The following AFAP1L1 variants were observed in gnomAD, a reference collection of about 807,000 sequenced individuals.
AFAP1L1 encodes the protein actin filament-associated protein 1-like 1.
AFAP1L1 carries 77 observed loss-of-function variants against 99.8 expected under a neutral mutation model. The ratio of observed to expected loss-of-function variants is 0.77; its 90% CI spans 0.64 to 0.93. The LOEUF is 0.93. Ranked by LOEUF, AFAP1L1 falls within the 40% of genes least tolerant of loss-of-function variation. The pLI, the probability that AFAP1L1 is intolerant of heterozygous loss-of-function variation, is 0.00. For synonymous variants in AFAP1L1, 373 were observed against 395.3 expected (o/e 0.94, Z 0.67); for missense variants, 893 against 996.8 (o/e 0.90, Z 1.40).
chr5:149,292,252 T>A (rs189952187), intron 1 of AFAP1L1, among the ~76,000 whole-genome samples: 1,686 of 152,328 alleles, frequency 0.011, 75 homozygotes, highest in Admixed American at 0.076. Flanking sequence ...TATGAACTCA[T>A]TATCTTTGCG....
intron 1 of AFAP1L1, 90 bp downstream of exon 1, chr5:149,272,074 A>AGG: frequency 1.3e-6 from 1 of 775,066 alleles, no homozygotes; most frequent in Non-Finnish European, 1.7e-6. Flanking sequence ...GGAGGGAGAG[A>AGG]GGCGGGCGGT....
At chr5:149,332,595 G>T in intron 16 of AFAP1L1, 100 bp from the exon 17 acceptor site, 1 of 1,290,346 alleles carries the variant, frequency 7.7e-7, no homozygotes, top group South Asian at 1.5e-5. Flanking sequence ...GGGGCTGGAA[G>T]GGCCCTCTAG....
At position 149,299,541 on chromosome 5, in the gene AFAP1L1, C is replaced by A. The variant is rs146456901; in HGVS notation, c.49C>A (p.Leu17Met). The change falls in exon 2 of 19, where the codon CTG (leucine) becomes ATG (methionine). Residue 17 changes from leucine to methionine, a missense_variant. Transcript: ENST00000296721. ...GCAGCTGCTCCCAGAGCTCACCGGG[C>A]TGCTCAGCCTCCTGGACCACGAGTA... ...LEQLLPELTG[L>M]LSLLDHEYLS... 6.2e-7 allele frequency: 1 copy of A among 1,614,164 alleles called. No individual in the cohort carries two copies. Among genetic ancestry groups the A allele is most frequent in the Admixed American group, 1.7e-5 (1 of 60,022 alleles).
rs372100607 is a variant in AFAP1L1 at position 149,310,131 on chromosome 5, T to C, written c.923T>C (p.Leu308Pro). Residue 308 changes from leucine (L) to proline (P), a missense_variant, in exon 8 of 19, where the codon CTG (leucine) becomes CCG (proline). Transcript: ENST00000296721. ...AGCCGAGAGCAGGCCGAGGAGTGGC[T>C]GAAGGTGCGTGGCCTGCACCTGACC... The part of the protein sequence containing the change: ...LQSREQAEEW[L>P]KVIREVSKPV... 3.8e-6 allele frequency: 6 copies of C among 1,594,528 alleles called. No individual in the cohort carries two copies. The African/African-American group carries it at 5.4e-5, about 14-fold the overall frequency.
At chr5:149,287,137 A>G (rs1755707460) in intron 1 of AFAP1L1, among the ~76,000 whole-genome samples, 1 of 152,262 alleles carries the variant, frequency 6.6e-6, no homozygotes, top group Non-Finnish European at 1.5e-5. Flanking sequence ...GTCAAAATGA[A>G]TGAACACGAT....
intron 1 of AFAP1L1, among the ~76,000 whole-genome samples, chr5:149,272,792 T>C (rs1384147997): frequency 7.5e-6 from 1 of 133,546 alleles, no homozygotes; most frequent in Non-Finnish European, 1.7e-5. Flanking sequence ...AACCTCCGCC[T>C]CCCGGGTTCA....
Position 149,317,833 on chromosome 5 carries a change from G to A in AFAP1L1, c.1372G>A (p.Val458Met). 6.2e-7 allele frequency: 1 copy of A among 1,612,270 alleles called. No individual in the cohort carries two copies. The highest frequency in any genetic ancestry group is 8.5e-7 in the Non-Finnish European group (1 of 1,179,314). Reference sequence around the variant, plus strand: ...GGATCACATGGACCTGCGAACCCATGTGAACGCCATCGCCCTGCAAGGCTG... The same window carrying A: ...GGATCACATGGACCTGCGAACCCATATGAACGCCATCGCCCTGCAAGGCTG... ...HKDHMDLRTH[V>M]NAIALQGCEV... The change falls in exon 12 of 19, where the codon GTG becomes ATG. Residue 458 changes from valine to methionine, a missense_variant. Coordinates refer to ENST00000296721, the MANE Select transcript of AFAP1L1 (RefSeq NM_152406.4).
chr5:149,317,809 G>T lies in AFAP1L1; in HGVS notation c.1348G>T (p.Asp450Tyr). ...LKCNTLYFHK[D>Y]HMDLRTHVNA... ...GTGCAACACTCTGTATTTCCACAAG[G>T]ATCACATGGACCTGCGAACCCATGT... The change falls in exon 12 of 19, where the codon GAT becomes TAT. Residue 450 changes from aspartate (D) to tyrosine (Y), a missense_variant. Transcript: ENST00000296721. 3 of 1,613,790 alleles carry T rather than the reference G, an allele frequency of 1.9e-6. No homozygotes were observed. Among genetic ancestry groups the T allele is most frequent in the Non-Finnish European group, 2.5e-6 (3 of 1,179,940 alleles).
At chr5:149,338,448 A>T (rs1757468461) in intron 18 of AFAP1L1, among the ~76,000 whole-genome samples, 1 of 152,184 alleles carries the variant, frequency 6.6e-6, no homozygotes, top group Non-Finnish European at 1.5e-5. Flanking sequence ...CCTAGATGAC[A>T]CTAAGTGAGA....
chr5:149,283,252 G>T (rs776610796), intron 1 of AFAP1L1, among the ~76,000 whole-genome samples: 1 of 152,210 alleles, frequency 6.6e-6, no homozygotes, highest in Non-Finnish European at 1.5e-5. Context: ...GAGAAAGCCT[G>T]TCCATTGGCT....
chr5:149,323,444 A>AT (rs1282395480), intron 15 of AFAP1L1, among the ~76,000 whole-genome samples: 2 of 152,230 alleles, frequency 1.3e-5, no homozygotes, highest in South Asian at 2.1e-4. Context: ...CTTCTGTGTG[A>AT]TTTATCTTTA....
Position 149,296,802 on chromosome 5 carries a change from A to C in AFAP1L1, c.17-2707A>C, listed in dbSNP as rs933463926. ...CCTGAGACTGGGTAATTTATAAAGG[A>C]AAGAGGCTTAATTGACTCACAATTC... On this transcript the variant is annotated intron_variant, in intron 1 of 18. Coordinates refer to ENST00000296721, the MANE Select transcript of AFAP1L1 (RefSeq NM_152406.4). 3.3e-5 allele frequency among the ~76,000 whole-genome samples: 5 copies of C among 152,208 alleles called. No homozygotes were observed. The South Asian group carries it at 1.0e-3, about 32-fold the overall frequency.
intron 1 of AFAP1L1, among the ~76,000 whole-genome samples, chr5:149,289,971 C>T (rs1273070441): frequency 2.6e-5 from 4 of 152,194 alleles, no homozygotes; most frequent in African/African-American, 4.8e-5. Flanking sequence ...CGGTGGCTCA[C>T]GCCTGTAATC....
At chr5:149,339,876 G>C in intron 18 of AFAP1L1, 131 bp from the exon 19 acceptor site, 1 of 779,030 alleles carries the variant, frequency 1.3e-6, no homozygotes, top group Admixed American at 2.5e-5. Flanking sequence ...CAGAAAGAGA[G>C]AGAGGGGGTT....
At chr5:149,328,607 G>A (rs1422547845) in intron 15 of AFAP1L1, among the ~76,000 whole-genome samples, 3 of 152,114 alleles carry the variant, frequency 2.0e-5, no homozygotes, top group Non-Finnish European at 2.9e-5. Flanking sequence ...TCAGGAGTTC[G>A]AGAACAGCCT....
rs749864226 is a variant in AFAP1L1, at chr5:149,329,658, C to G, written c.1811-8C>G. ...CTGAGGGCCTTTCCCTTCCCCATAT[C>G]TCTGCAGGTGCCAATCAATACAAGT... On this transcript the variant is annotated splice_region_variant and splice_polypyrimidine_tract_variant and intron_variant, in intron 15 of 18. Coordinates refer to ENST00000296721, the MANE Select transcript of AFAP1L1 (RefSeq NM_152406.4). 7.5e-6 allele frequency: 12 copies of G among 1,610,416 alleles called. No homozygotes were observed. Among genetic ancestry groups the G allele is most frequent in the Non-Finnish European group, 1.0e-5 (12 of 1,178,610 alleles).
intron 1 of AFAP1L1, among the ~76,000 whole-genome samples, chr5:149,294,997 T>G (rs1289251400): frequency 3.9e-5 from 6 of 152,280 alleles, no homozygotes; most frequent in Admixed American, 1.3e-4. Flanking sequence ...CGCTGGAGGA[T>G]TAGATGAGAT....
chr5:149,317,742 G>C lies in AFAP1L1; in HGVS notation c.1281G>C (p.Val427=), dbSNP rs757680000. 6.2e-7 allele frequency: 1 copy of C among 1,613,978 alleles called. No homozygotes were observed. Among genetic ancestry groups the C allele is most frequent in the Non-Finnish European group, 8.5e-7 (1 of 1,179,962 alleles). ...EEVPCCGYLN[V]LVNQGWKERW... is the part of the protein sequence containing the mutation. ...TGTCTCCTCCAGGCTACCTGAACGT[G>C]CTGGTGAACCAGGGCTGGAAGGAAC... Residue 427 remains valine (V), a synonymous_variant, in exon 12 of 19, where the codon GTG becomes GTC. Transcript: ENST00000296721.
At chr5:149,301,719 T>A (rs1304345771) in intron 4 of AFAP1L1, among the ~76,000 whole-genome samples, 1 of 152,120 alleles carries the variant, frequency 6.6e-6, no homozygotes, top group Admixed American at 6.5e-5. Flanking sequence ...GGACCAGATA[T>A]AGGATGCGCA....
Sources: gnomAD v4.1 joint callset for allele counts (sites outside exome capture counted in the v4.1 genomes callset) on GRCh38, gnomAD v4.1.1 for gene constraint, MANE v1.5 for transcripts, NCBI Gene and HGNC (gene_info 2026-07-23, HGNC 2026-07-21) for gene names.